The following PKD1L1 variants were observed in gnomAD, a reference collection of about 807,000 sequenced individuals.
PKD1L1 encodes the protein polycystin 1 like 1, transient receptor potential channel interacting.
In PKD1L1, 236 loss-of-function variants were observed where a neutral mutation model predicts 323.4. The observed-to-expected ratio is 0.73, with a 90% CI of 0.66 to 0.81. The LOEUF is 0.81. Among genes scored for constraint, PKD1L1 ranks in the 40% least tolerant of loss-of-function variants. The probability of loss-of-function intolerance (pLI) is 0.00; values close to 1 mark genes in which losing one functional copy is unlikely to be tolerated. For synonymous variants in PKD1L1, 1,344 were observed against 1,335.0 expected (o/e 1.01, Z -0.15); for missense variants, 3,320 against 3,508.0 (o/e 0.95, Z 1.35).
rs759015767 is a variant in PKD1L1, at chr7:47,839,512, G to A, written c.5703C>T (p.Ala1901=). ...GCTCCACGCGACCATCATGCCTGCC[G>A]GCAGACAGCCAGCACTGGGCAGGGA... ...WFFPAQCWLS[A]GRHDGRVERE... Residue 1901 remains alanine (A), a synonymous_variant, in exon 36 of 57, where the codon GCC becomes GCT. Transcript: ENST00000289672. This position sits in a 1 kb window ranked among gnomAD's most constrained non-coding sequence, Gnocchi z 4.3. 12 of 1,612,234 alleles carry A rather than the reference G, an allele frequency of 7.4e-6. No homozygotes were observed. Among genetic ancestry groups the A allele is most frequent in the Admixed American group, 3.3e-5 (2 of 59,926 alleles).
intron 21 of PKD1L1, among the ~76,000 whole-genome samples, chr7:47,880,278 A>ATTTTTTTTTT (rs1562970489): frequency 2.7e-5 from 2 of 73,632 alleles, no homozygotes; most frequent in African/African-American, 7.2e-5. Flanking sequence ...ATATATATAT[A>ATTTTTTTTTT]TATATATTTT....
rs111776981 is a variant in PKD1L1, at chr7:47,904,288, G to A, written c.1931+90C>T. 3 of 1,548,162 alleles carry A rather than the reference G, an allele frequency of 1.9e-6. No individual in the cohort carries two copies. The African/African-American group carries it at 4.1e-5, about 21-fold the overall frequency. Reference sequence around the variant, plus strand: ...GTCACCTACGTTGACTGACAGGCAGGTCTCTATGTGGAACCCAAGGGCTGA... The same window carrying A: ...GTCACCTACGTTGACTGACAGGCAGATCTCTATGTGGAACCCAAGGGCTGA... On this transcript the variant is annotated intron_variant, in intron 12 of 56. Transcript: ENST00000289672.
chr7:47,960,440 T>G, the PKD1L1 span, among the ~76,000 whole-genome samples: 1 of 130,774 alleles, frequency 7.6e-6, no homozygotes, highest in Non-Finnish European at 1.7e-5. Flanking sequence ...AGCTGTAATA[T>G]CAAATAAAGT....
At chr7:47,917,085 G>T (rs1395493789) in intron 7 of PKD1L1, among the ~76,000 whole-genome samples, 1 of 152,100 alleles carries the variant, frequency 6.6e-6, no homozygotes, top group Non-Finnish European at 1.5e-5. Flanking sequence ...AATGATACAA[G>T]AAGTGAAGGA....
At chr7:47,891,903 A>C (rs1324442383) in intron 15 of PKD1L1, among the ~76,000 whole-genome samples, 1 of 152,226 alleles carries the variant, frequency 6.6e-6, no homozygotes, top group Non-Finnish European at 1.5e-5. Context: ...GCATGAATCA[A>C]ATTGGGGAGT....
chr7:47,822,372 C>T (rs1437142475), intron 45 of PKD1L1, among the ~76,000 whole-genome samples: 4 of 151,638 alleles, frequency 2.6e-5, no homozygotes, highest in African/African-American at 2.4e-5. Context: ...AGGCGGATCA[C>T]GAGGTCAGGA....
At chr7:47,922,768 C>A (rs1240813834) in intron 7 of PKD1L1, among the ~76,000 whole-genome samples, 1 of 151,846 alleles carries the variant, frequency 6.6e-6, no homozygotes, top group African/African-American at 2.4e-5. Context: ...GCAGCCCCCA[C>A]CCCGGCCAGC....
chr7:47,848,112 C>T (rs1208816120), intron 31 of PKD1L1, among the ~76,000 whole-genome samples: 3 of 152,104 alleles, frequency 2.0e-5, no homozygotes, highest in Admixed American at 6.6e-5. Context: ...TTGGCAAAGA[C>T]GTGGGAAAAC....
chr7:47,894,272 C>A (rs1164111425), intron 14 of PKD1L1, among the ~76,000 whole-genome samples: 1 of 152,184 alleles, frequency 6.6e-6, no homozygotes, highest in Non-Finnish European at 1.5e-5. Flanking sequence ...ATCTTCCTAT[C>A]CAAGCTTGTG....
intron 46 of PKD1L1, among the ~76,000 whole-genome samples, chr7:47,819,297 T>G (rs1584966481): frequency 6.6e-6 from 1 of 152,206 alleles, no homozygotes; most frequent in East Asian, 1.9e-4. Context: ...ATCAATCTCA[T>G]GTGCACCTGA....
chr7:47,819,558 G>GAA (rs1442354161), intron 46 of PKD1L1: 4 of 1,363,860 alleles, frequency 2.9e-6, no homozygotes, highest in Non-Finnish European at 3.9e-6. Flanking sequence ...GAGCTGAAAA[G>GAA]TTGGTCATGG....
intron 4 of PKD1L1, among the ~76,000 whole-genome samples, chr7:47,933,782 C>A (rs758484407): frequency 2.7e-4 from 41 of 152,168 alleles, no homozygotes; most frequent in Non-Finnish European, 5.6e-4. Context: ...TAAGGACACG[C>A]GCACACTCTT....
At chr7:47,874,607 C>T (rs1786363580) in intron 23 of PKD1L1, among the ~76,000 whole-genome samples, 1 of 152,172 alleles carries the variant, frequency 6.6e-6, no homozygotes, top group South Asian at 2.1e-4. Context: ...TTCCGTGCTC[C>T]ATCTTCTCCC....
intron 45 of PKD1L1, 81 bp downstream of exon 45, chr7:47,827,269 G>C: frequency 8.1e-7 from 1 of 1,235,918 alleles, no homozygotes; most frequent in African/African-American, 1.5e-5. Flanking sequence ...AATCTCCCAG[G>C]AGGACCAGCG....
intron 14 of PKD1L1, among the ~76,000 whole-genome samples, chr7:47,895,696 A>T (rs1786920851): frequency 6.6e-6 from 1 of 152,240 alleles, no homozygotes; most frequent in South Asian, 2.1e-4. Flanking sequence ...GTTAAAAGGT[A>T]AAGTAGGGAC....
chr7:47,894,080 A>AG (rs1786884519), intron 14 of PKD1L1, 21 bp from the exon 15 acceptor site: 4 of 1,528,694 alleles, frequency 2.6e-6, no homozygotes. Flanking sequence ...AAGGAAGGAC[A>AG]GGGGATGTCA....
chr7:47,823,821 T>C (rs555316329), intron 45 of PKD1L1, among the ~76,000 whole-genome samples: 1 of 152,228 alleles, frequency 6.6e-6, no homozygotes, highest in African/African-American at 2.4e-5. Context: ...TTCCCAGGGG[T>C]ATGGTCTGTA....
chr7:47,836,755 G>A (rs751152109), intron 37 of PKD1L1, among the ~76,000 whole-genome samples, 166 bp downstream of exon 37: 1 of 152,134 alleles, frequency 6.6e-6, no homozygotes, highest in Admixed American at 6.5e-5. Context: ...GTGCCACACC[G>A]GGCAGAGCCC....
chr7:47,942,270 G>A (rs575711248), intron 2 of PKD1L1, among the ~76,000 whole-genome samples: 99 of 152,164 alleles, frequency 6.5e-4, no homozygotes, highest in African/African-American at 1.4e-3. Flanking sequence ...GGCAATCCTC[G>A]CAGTCTTCAT....
Sources: allele counts gnomAD v4.1 joint callset (sites outside exome capture counted in the v4.1 genomes callset), GRCh38; gene constraint gnomAD v4.1.1; non-coding constraint Gnocchi (gnomAD v3.1); transcripts MANE v1.5; gene names NCBI Gene and HGNC (gene_info 2026-07-23, HGNC 2026-07-21).